Variants in ADAM32 observed in about 807,000 individuals in gnomAD.
ADAM32 encodes disintegrin and metalloproteinase domain-containing protein 32.
Under a neutral mutation model 114.9 loss-of-function variants are expected in ADAM32, and 89 were observed. The observed-to-expected ratio is 0.77, with a 90% CI of 0.65 to 0.92. ADAM32 has a LOEUF of 0.92. Ranked by LOEUF, ADAM32 falls within the 40% of genes least tolerant of loss-of-function variation. ADAM32 has a pLI of 0.00. For synonymous variants in ADAM32, 285 were observed against 307.5 expected (o/e 0.93, Z 0.77); for missense variants, 870 against 932.8 (o/e 0.93, Z 0.88).
chr8:39,237,190 G>A (rs1386566548), intron 16 of ADAM32, among the ~76,000 whole-genome samples: 2 of 152,172 alleles, frequency 1.3e-5, no homozygotes, highest in Non-Finnish European at 2.9e-5. Context: ...AGCGGGAAGA[G>A]CCTTGTAGGC....
intron 12 of ADAM32, among the ~76,000 whole-genome samples, chr8:39,215,921 C>A (rs572274672): frequency 1.3e-5 from 2 of 151,986 alleles, no homozygotes; most frequent in South Asian, 2.1e-4. Context: ...ATCTATAGTG[C>A]AGATTAAGTT....
At chr8:39,148,069 G>A (rs923931002) in intron 4 of ADAM32, among the ~76,000 whole-genome samples, 22 of 152,100 alleles carry the variant, frequency 1.4e-4, no homozygotes, top group Non-Finnish European at 1.8e-4. Flanking sequence ...GTGAGCCACC[G>A]CACCCAGCCT....
At chr8:39,125,009 G>T (rs1443130978) in intron 2 of ADAM32, among the ~76,000 whole-genome samples, 1 of 152,080 alleles carries the variant, frequency 6.6e-6, no homozygotes, top group Non-Finnish European at 1.5e-5. Context: ...GCCAGTATCT[G>T]TTGTTTTATG....
At chr8:39,139,026 C>T (rs1340137772) in intron 3 of ADAM32, among the ~76,000 whole-genome samples, 1 of 151,970 alleles carries the variant, frequency 6.6e-6, no homozygotes, top group Non-Finnish European at 1.5e-5. Context: ...GGGTTGTTTG[C>T]TTTTTTTCTT....
chr8:39,243,453 A>C (rs980398263), intron 16 of ADAM32, among the ~76,000 whole-genome samples: 1 of 152,258 alleles, frequency 6.6e-6, no homozygotes, highest in African/African-American at 2.4e-5. Flanking sequence ...AGTTGGTATC[A>C]TACCAGAGAT....
chr8:39,226,284 G>A (rs1248992363), intron 14 of ADAM32, among the ~76,000 whole-genome samples: 2 of 151,846 alleles, frequency 1.3e-5, no homozygotes, highest in African/African-American at 4.8e-5. Flanking sequence ...CATTATAAGA[G>A]GTAAAAAAGG....
intron 2 of ADAM32, among the ~76,000 whole-genome samples, chr8:39,122,108 ATAACTTG>A (rs1283081417): frequency 6.6e-6 from 1 of 152,192 alleles, no homozygotes; most frequent in African/African-American, 2.4e-5. Context: ...AGGATGAGTC[ATAACTTG>A]TATCTCAACC....
At chr8:39,273,521 C>T (rs1207968877) in intron 20 of ADAM32, among the ~76,000 whole-genome samples, 2 of 127,026 alleles carry the variant, frequency 1.6e-5, no homozygotes, top group African/African-American at 3.2e-5. Context: ...AGCAAGACTC[C>T]ACCTCAAAAA....
At chr8:39,282,675 C>G (rs1390802093) in intron 23 of ADAM32, among the ~76,000 whole-genome samples, 1 of 152,154 alleles carries the variant, frequency 6.6e-6, no homozygotes, top group Non-Finnish European at 1.5e-5. Flanking sequence ...GTTCCTTTTA[C>G]ATTTATATTT....
chr8:39,187,298 G>C (rs1806303514), intron 11 of ADAM32, among the ~76,000 whole-genome samples: 1 of 152,102 alleles, frequency 6.6e-6, no homozygotes, highest in Non-Finnish European at 1.5e-5. Flanking sequence ...TTGAGATGGA[G>C]TCTCGCTCTT....
intron 17 of ADAM32, among the ~76,000 whole-genome samples, chr8:39,250,622 A>G (rs1811227532): frequency 6.6e-6 from 1 of 152,028 alleles, no homozygotes; most frequent in South Asian, 2.1e-4. Context: ...ATTCATAAAA[A>G]TCAAATCAGT....
intron 11 of ADAM32, among the ~76,000 whole-genome samples, chr8:39,198,481 G>A (rs957344225): frequency 1.3e-5 from 2 of 152,030 alleles, no homozygotes; most frequent in African/African-American, 4.8e-5. Flanking sequence ...GGGTTCAAAC[G>A]ATTCTCCTGC....
intron 16 of ADAM32, 138 bp downstream of exon 16, chr8:39,234,220 A>G: frequency 3.0e-6 from 2 of 666,252 alleles, no homozygotes; most frequent in Non-Finnish European, 2.2e-6. Flanking sequence ...ATCTTAAATT[A>G]GTCTCCAAAT....
rs766139868 is a variant in ADAM32, at chr8:39,257,317, C to T, written c.2136C>T (p.Ala712=). 2.5e-6 allele frequency: 4 copies of T among 1,613,008 alleles called. No individual in the cohort carries two copies. Among genetic ancestry groups the T allele is most frequent in the Non-Finnish European group, 3.4e-6 (4 of 1,179,406 alleles). ...LARKQLKKWF[A]KEEEFPSSES... ...GGAAACAGTTGAAAAAGTGGTTCGC[C>T]AAGGAAGAGGAATTCCCAAGTAGCG... Residue 712 remains alanine, a synonymous_variant, in exon 19 of 25, where the codon GCC becomes GCT. Coordinates refer to ENST00000379907, the MANE Select transcript of ADAM32 (RefSeq NM_145004.7).
chr8:39,112,512 C>G (rs1429581729), intron 1 of ADAM32, among the ~76,000 whole-genome samples: 1 of 152,214 alleles, frequency 6.6e-6, no homozygotes, highest in Non-Finnish European at 1.5e-5. Context: ...TATTTTACAA[C>G]TTTAGACAAC....
chr8:39,275,937 A>G (rs1813047477), intron 22 of ADAM32, 71 bp downstream of exon 22: 3 of 1,386,388 alleles, frequency 2.2e-6, no homozygotes, highest in Non-Finnish European at 2.9e-6. Context: ...CAAATTGATA[A>G]TTAACAATTA....
At chr8:39,117,625 A>G (rs767990675) in intron 1 of ADAM32, among the ~76,000 whole-genome samples, 7 of 152,058 alleles carry the variant, frequency 4.6e-5, no homozygotes, top group African/African-American at 7.2e-5. Context: ...CAGCCTGCTT[A>G]TCTCCCCTTA....
intron 17 of ADAM32, among the ~76,000 whole-genome samples, chr8:39,251,776 C>G (rs1447168912): frequency 6.6e-6 from 1 of 151,388 alleles, no homozygotes; most frequent in Non-Finnish European, 1.5e-5. Flanking sequence ...GAGGTTATAT[C>G]CAAAAAATAA....
At chr8:39,113,618 T>A (rs375646408) in intron 1 of ADAM32, among the ~76,000 whole-genome samples, 1 of 152,110 alleles carries the variant, frequency 6.6e-6, no homozygotes, top group African/African-American at 2.4e-5. Context: ...CCAAGAAACT[T>A]TGGGGTTGTA....
Sources: allele counts gnomAD v4.1 joint callset (sites outside exome capture counted in the v4.1 genomes callset), GRCh38; gene constraint gnomAD v4.1.1; transcripts MANE v1.5; gene names NCBI Gene and HGNC (gene_info 2026-07-23, HGNC 2026-07-21).